AGO2: variants seen among roughly 807,000 people sequenced by gnomAD.
The protein encoded by AGO2 is protein argonaute-2.
In AGO2, 5 loss-of-function variants were observed where a neutral mutation model predicts 102.3. The ratio of observed to expected loss-of-function variants is 0.05; its 90% confidence interval spans 0.03 to 0.10. AGO2 has a LOEUF of 0.10. AGO2 is among the 10% of genes least tolerant of loss of function. The pLI is 1.00. For synonymous variants in AGO2, 449 were observed against 473.1 expected (o/e 0.95, Z 0.66); for missense variants, 541 against 1,183.7 (o/e 0.46, Z 7.97).
chr8:140,632,293 G>A (rs4961278), intron 1 of AGO2, among the ~76,000 whole-genome samples: 103,900 of 152,226 alleles, frequency 0.68, 35,857 homozygotes, highest in Admixed American at 0.77. Flanking sequence ...GCCATGCCGC[G>A]ATGGCCTCGG....
intron 14 of AGO2, 123 bp downstream of exon 14, chr8:140,544,090 A>G: frequency 6.7e-6 from 7 of 1,050,730 alleles, no homozygotes; most frequent in Non-Finnish European, 9.4e-6. Flanking sequence ...GGCCGTCCCT[A>G]CCGCAGCTTA....
At chr8:140,568,594 G>A (rs899800446) in intron 3 of AGO2, among the ~76,000 whole-genome samples, 4 of 152,206 alleles carry the variant, frequency 2.6e-5, no homozygotes, top group African/African-American at 9.7e-5. Flanking sequence ...CGTGCCACAT[G>A]CCCCTGCCAG....
chr8:140,629,542 A>G (rs2074316321), intron 1 of AGO2, among the ~76,000 whole-genome samples: 1 of 152,186 alleles, frequency 6.6e-6, no homozygotes, highest in South Asian at 2.1e-4. Flanking sequence ...GACAGTGAGA[A>G]GATGAAAAAG....
Position 140,562,575 on chromosome 8 carries a change from G to C in AGO2, c.396C>G (p.Ile132Met), listed in dbSNP as rs781305843. ...EGKDRIFKVS[I>M]KWVSCVSLQA... ...GCAAGCTCACGCAGGACACCCACTTGATGGACACCTTGAAGATGCGATCCT... is the reference window on the plus strand; with the variant it reads ...GCAAGCTCACGCAGGACACCCACTTCATGGACACCTTGAAGATGCGATCCT... Residue 132 changes from isoleucine (I) to methionine (M), a missense_variant, in exon 4 of 19, where the codon ATC becomes ATG. Physicochemically the swap from Ile to Met is conservative, Grantham distance 10. This residue lies in a region of AGO2 where 147 missense variants were observed against 204.1 expected (regional missense o/e 0.72). Transcript: ENST00000220592. The C allele has an allele frequency of 6.2e-7, 1 of 1,614,144 alleles. No individual in the cohort carries two copies. The highest frequency in any genetic ancestry group is 8.5e-7 in the Non-Finnish European group (1 of 1,180,036).
At chr8:140,554,964 C>G (rs1375536515) in intron 10 of AGO2, among the ~76,000 whole-genome samples, 1 of 152,160 alleles carries the variant, frequency 6.6e-6, no homozygotes, top group Non-Finnish European at 1.5e-5. Flanking sequence ...ATGTGAACCA[C>G]TCACTGCGCC....
chr8:140,572,779 G>C lies in AGO2; in HGVS notation c.336+33C>G, dbSNP rs576226195. 213 of 1,602,066 alleles carry C rather than the reference G, an allele frequency of 1.3e-4. No individual in the cohort carries two copies. The highest frequency in any genetic ancestry group is 1.1e-4 in the Non-Finnish European group (135 of 1,175,430). Reference sequence around the variant, plus strand: ...ATGTGTGAGCTTTACTTCACCGTATGTTACTCCACCAAGGGCATCCCGGCG... The same window carrying C: ...ATGTGTGAGCTTTACTTCACCGTATCTTACTCCACCAAGGGCATCCCGGCG... On this transcript the variant is annotated intron_variant, in intron 3 of 18. Coordinates refer to ENST00000220592, the MANE Select transcript of AGO2 (RefSeq NM_012154.5).
chr8:140,560,666 G>A (rs1195192185), intron 4 of AGO2, among the ~76,000 whole-genome samples, 156 bp from the exon 5 acceptor site: 1 of 152,250 alleles, frequency 6.6e-6, no homozygotes, highest in African/African-American at 2.4e-5. Flanking sequence ...ACTCCAGCCT[G>A]TGTGCATGGC....
chr8:140,585,369 C>A, intron 1 of AGO2, 58 bp from the exon 2 acceptor site: 1 of 1,558,132 alleles, frequency 6.4e-7, no homozygotes, highest in African/African-American at 1.4e-5. Flanking sequence ...TGCGGCCCTT[C>A]CCATCCCGCG....
At chr8:140,532,284 C>T (rs546843337) in intron 18 of AGO2, 132 bp from the exon 19 acceptor site, 439 of 1,377,816 alleles carry the variant, frequency 3.2e-4, no homozygotes, top group Non-Finnish European at 4.2e-4. Flanking sequence ...GACGGCCGTG[C>T]CATTAACAGG....
chr8:140,619,732 C>T (rs2074192569), intron 1 of AGO2, among the ~76,000 whole-genome samples: 1 of 152,198 alleles, frequency 6.6e-6, no homozygotes, highest in African/African-American at 2.4e-5. Context: ...ACTCTACAGG[C>T]ACGCTAGGTT....
chr8:140,615,761 C>T (rs574726417), intron 1 of AGO2, among the ~76,000 whole-genome samples: 145 of 152,360 alleles, frequency 9.5e-4, no homozygotes, highest in Non-Finnish European at 1.2e-3. Context: ...CACGCGGCTT[C>T]GCCACAGATC....
chr8:140,635,445 C>T, intron 1 of AGO2, 40 bp downstream of exon 1: 2 of 979,758 alleles, frequency 2.0e-6, no homozygotes, highest in Middle Eastern at 5.2e-4. Context: ...GGCAGGAGCG[C>T]GCGAACGGCC....
intron 1 of AGO2, among the ~76,000 whole-genome samples, chr8:140,611,139 C>T (rs1010527414): frequency 1.3e-5 from 2 of 152,188 alleles, no homozygotes; most frequent in African/African-American, 2.4e-5. Flanking sequence ...CTGACATTTG[C>T]TCCGGTGGCT....
At chr8:140,588,139 C>T (rs1354561199) in intron 1 of AGO2, among the ~76,000 whole-genome samples, 1 of 152,220 alleles carries the variant, frequency 6.6e-6, no homozygotes, top group East Asian at 1.9e-4. Flanking sequence ...CACGCCCTGC[C>T]ACATGTCCTA....
At chr8:140,561,945 C>T (rs1226014473) in intron 4 of AGO2, among the ~76,000 whole-genome samples, 4 of 152,240 alleles carry the variant, frequency 2.6e-5, no homozygotes, top group African/African-American at 4.8e-5. Flanking sequence ...GCCCAGCAAC[C>T]GGGCAGCTTG....
upstream of AGO2, among the ~76,000 whole-genome samples, chr8:140,636,059 C>T (rs995098372): frequency 4.8e-4 from 72 of 151,470 alleles, no homozygotes; most frequent in African/African-American, 1.6e-3. Flanking sequence ...CCGCTTTCCC[C>T]GCCGCCCCCC....
intron 1 of AGO2, among the ~76,000 whole-genome samples, chr8:140,599,042 C>T (rs998320341): frequency 3.9e-5 from 6 of 152,232 alleles, no homozygotes; most frequent in Admixed American, 3.9e-4. Flanking sequence ...CCCTCCGCAG[C>T]TCACAGGCAG....
intron 1 of AGO2, among the ~76,000 whole-genome samples, chr8:140,597,912 G>A (rs2073872067): frequency 6.6e-6 from 1 of 152,194 alleles, no homozygotes; most frequent in Admixed American, 6.5e-5. Context: ...CCACCTGGGA[G>A]GACCAAGAGA....
chr8:140,605,345 C>G (rs964858046), intron 1 of AGO2, among the ~76,000 whole-genome samples: 1 of 152,204 alleles, frequency 6.6e-6, no homozygotes, highest in Non-Finnish European at 1.5e-5. Context: ...AATCTGCCTG[C>G]GTCAGCTTCC....
Sources: gnomAD v4.1 joint callset for allele counts (sites outside exome capture counted in the v4.1 genomes callset) on GRCh38, gnomAD v4.1.1 for gene constraint, gnomAD v4.1.1 regional missense constraint, MANE v1.5 for transcripts, NCBI Gene and HGNC (gene_info 2026-07-23, HGNC 2026-07-21) for gene names.